MYT1L: variants seen among roughly 807,000 people sequenced by gnomAD.
MYT1L encodes myelin transcription factor 1 like.
In MYT1L, 12 loss-of-function variants were observed where a neutral mutation model predicts 126.7. That is an observed-to-expected ratio of 0.09 (90% CI 0.06 to 0.15). The LOEUF (loss-of-function observed/expected upper bound fraction) is 0.15. MYT1L is among the 10% of genes least tolerant of loss of function. MYT1L has a pLI of 1.00. For missense variants in MYT1L, 979 were observed against 1,585.2 expected (o/e 0.62, Z 6.49); for synonymous variants, 541 against 604.2 (o/e 0.90, Z 1.53).
intron 21 of MYT1L, among the ~76,000 whole-genome samples, chr2:1,817,998 T>C (rs893899462): frequency 1.8e-4 from 27 of 152,180 alleles, no homozygotes; most frequent in African/African-American, 5.8e-4. Context: ...CCCAGACGTC[T>C]GGCACCAGGC....
At chr2:1,939,449 C>G (rs1186544547) in intron 9 of MYT1L, among the ~76,000 whole-genome samples, 1 of 152,176 alleles carries the variant, frequency 6.6e-6, no homozygotes, top group South Asian at 2.1e-4. Flanking sequence ...GACAAAAGGA[C>G]GTCTCTGGTA....
intron 2 of MYT1L, among the ~76,000 whole-genome samples, chr2:2,261,125 G>T (rs2094954563): frequency 6.8e-6 from 1 of 146,418 alleles, no homozygotes; most frequent in South Asian, 2.2e-4. Flanking sequence ...CTGCTGGGGT[G>T]CATGTGTGTG....
chr2:2,196,610 C>T (rs939149451), intron 2 of MYT1L, among the ~76,000 whole-genome samples: 6 of 151,518 alleles, frequency 4.0e-5, no homozygotes, highest in Non-Finnish European at 7.4e-5. Context: ...CAGTAACACA[C>T]AAATAGGGGG....
rs1473672261 is a variant in MYT1L, at chr2:1,929,044, G to T, written c.506-5781C>A. On this transcript the variant is annotated intron_variant, in intron 9 of 24. Transcript: ENST00000647738. This position sits in a 1 kb window ranked among gnomAD's most constrained non-coding sequence, Gnocchi z 4.7. ...ATGCAGGCAGTGGTCGCATGTTTATGTGGAGCCCCTGGCTACTCCCCTGGC... is the reference window on the plus strand; with the variant it reads ...ATGCAGGCAGTGGTCGCATGTTTATTTGGAGCCCCTGGCTACTCCCCTGGC... 6.6e-6 allele frequency among the ~76,000 whole-genome samples: 1 copy of T among 152,084 alleles called. No homozygotes were observed. Among genetic ancestry groups the T allele is most frequent in the Non-Finnish European group, 1.5e-5 (1 of 68,006 alleles).
At position 1,917,318 on chromosome 2, in the gene MYT1L, T is replaced by C; in HGVS notation, c.1505A>G (p.Lys502Arg). The change falls in exon 11 of 25, where the codon AAA becomes AGA. Residue 502 changes from lysine (K) to arginine (R), a missense_variant. Lys to Arg is a conservative substitution (Grantham distance 26, BLOSUM62 2). Coordinates refer to ENST00000647738, the MANE Select transcript of MYT1L (RefSeq NM_001303052.2). The surrounding 1 kb of genome is among the most constrained non-coding windows in gnomAD (Gnocchi z 5.9). ...YGKDPSRTEK[K>R]ESKCPTPGCD... The stretch of plus-strand genomic sequence containing the variant: ...CCCGGGGGTTGGACACTTGCTCTCT[T>C]TCTTTTCTGTTCTTGAGGGATCTAA... The C allele has an allele frequency of 6.2e-7, 1 of 1,612,494 alleles. No homozygotes were observed. Among genetic ancestry groups the C allele is most frequent in the Admixed American group, 1.7e-5 (1 of 59,996 alleles).
chr2:1,823,223 C>T (rs1020323651), intron 21 of MYT1L, among the ~76,000 whole-genome samples: 5 of 152,160 alleles, frequency 3.3e-5, no homozygotes, highest in African/African-American at 1.2e-4. Flanking sequence ...CCAGCAGGGG[C>T]ACCCAGCTGG....
chr2:2,248,394 T>G, intron 2 of MYT1L, among the ~76,000 whole-genome samples: 1 of 151,996 alleles, frequency 6.6e-6, no homozygotes. Context: ...GTAAAAAGTC[T>G]AGTAAAGAAA....
At chr2:2,087,950 A>G (rs1441578665) in intron 3 of MYT1L, among the ~76,000 whole-genome samples, 1 of 152,240 alleles carries the variant, frequency 6.6e-6, no homozygotes, top group Non-Finnish European at 1.5e-5. Flanking sequence ...CCACTTTGTG[A>G]TCACGGCTGA....
chr2:2,316,630 T>A (rs769309911), intron 1 of MYT1L, among the ~76,000 whole-genome samples: 2 of 152,172 alleles, frequency 1.3e-5, no homozygotes, highest in Non-Finnish European at 2.9e-5. Context: ...GCACGTACGT[T>A]TCTGTGAATT....
intron 18 of MYT1L, among the ~76,000 whole-genome samples, chr2:1,868,355 C>T (rs1366643896): frequency 6.6e-6 from 1 of 152,174 alleles, no homozygotes; most frequent in African/African-American, 2.4e-5. Flanking sequence ...CAAAAATGTG[C>T]TTCTTAGGCA....
At chr2:2,007,938 C>G (rs1270294709) in intron 4 of MYT1L, among the ~76,000 whole-genome samples, 1 of 152,154 alleles carries the variant, frequency 6.6e-6, no homozygotes. Flanking sequence ...AGGAGAGGAG[C>G]CTGAATTCTG....
intron 2 of MYT1L, among the ~76,000 whole-genome samples, chr2:2,204,077 G>A (rs2093202639): frequency 6.6e-6 from 1 of 152,178 alleles, no homozygotes; most frequent in East Asian, 1.9e-4. Flanking sequence ...GCTGAAAGTG[G>A]ATCGCTTCCT....
In MYT1L at chr2:2,113,063, G is replaced by A. The variant is rs145570909; in HGVS notation, c.-303-58940C>T. Among the ~76,000 whole-genome samples, 327 of 152,276 alleles carry A rather than the reference G, an allele frequency of 2.1e-3. 1 individual carries two copies. The highest frequency in any genetic ancestry group is 7.4e-3 in the African/African-American group (307 of 41,552). On this transcript the variant is annotated intron_variant, in intron 3 of 24. Coordinates refer to ENST00000647738, the MANE Select transcript of MYT1L (RefSeq NM_001303052.2). ...ATAAGGAGGGTGCTGATGACCACGG[G>A]GGCCCTGCCAGCTTCACTGTCTCCT...
At chr2:2,187,654 T>G (rs1286043511) in intron 2 of MYT1L, among the ~76,000 whole-genome samples, 16 of 152,038 alleles carry the variant, frequency 1.1e-4, no homozygotes, top group Admixed American at 1.0e-3. Context: ...AAACGCTGGC[T>G]AAAAATACGT....
chr2:2,205,508 A>C lies in MYT1L; in HGVS notation c.-420-32520T>G, dbSNP rs1403818248. Among the ~76,000 whole-genome samples, 3 of 152,340 alleles carry C rather than the reference A, an allele frequency of 2.0e-5. No homozygotes were observed. In the East Asian group the frequency reaches 5.8e-4, roughly 29 times the overall value. On this transcript the variant is annotated intron_variant, in intron 2 of 24. Transcript: ENST00000647738. ...GACTGAATTATAAATGTAATAATGC[A>C]TATAATGTAGTCAGGGGAACATCCA... is the stretch of plus-strand genomic sequence containing the variant.
intron 21 of MYT1L, among the ~76,000 whole-genome samples, chr2:1,837,432 GGTGAAA>G (rs2041062929): frequency 6.6e-6 from 1 of 152,166 alleles, no homozygotes; most frequent in Non-Finnish European, 1.5e-5. Flanking sequence ...TTTTATTAAT[GGTGAAA>G]GGTTTGGGAA....
chr2:2,205,995 T>TTCTTTTCTTTCTTTTTC (rs1454472688), intron 2 of MYT1L, among the ~76,000 whole-genome samples: 6 of 152,008 alleles, frequency 3.9e-5, no homozygotes, highest in African/African-American at 1.4e-4. Flanking sequence ...TTTCTTTTTT[T>TTCTTTTCTTTCTTTTTC]TTTTTGAAAC....
intron 2 of MYT1L, among the ~76,000 whole-genome samples, chr2:2,183,765 G>C (rs1036210755): frequency 1.1e-4 from 16 of 143,666 alleles, no homozygotes; most frequent in Non-Finnish European, 2.3e-4. Flanking sequence ...GAGGGAAGGA[G>C]GGAGAGGAAG....
chr2:1,915,153 T>C (rs1332646578), intron 11 of MYT1L, among the ~76,000 whole-genome samples: 1 of 152,136 alleles, frequency 6.6e-6, no homozygotes. Flanking sequence ...GTGCTGCTGG[T>C]TTCTTTATGG....
Sources: gnomAD v4.1 joint callset for allele counts (sites outside exome capture counted in the v4.1 genomes callset) on GRCh38, gnomAD v4.1.1 for gene constraint, Gnocchi (gnomAD v3.1) non-coding constraint, MANE v1.5 for transcripts, NCBI Gene and HGNC (gene_info 2026-07-23, HGNC 2026-07-21) for gene names.